MESD: variants seen among roughly 807,000 people sequenced by gnomAD.
MESD encodes LRP chaperone MESD.
In MESD, 7 loss-of-function variants were observed where a neutral mutation model predicts 12.9. The ratio of observed to expected loss-of-function variants is 0.54; its 90% confidence interval spans 0.31 to 1.02. MESD has a LOEUF of 1.02. Ranked by LOEUF, MESD falls within the 50% of genes least tolerant of loss-of-function variation. The probability of loss-of-function intolerance (pLI) is 0.05; values close to 1 mark genes in which losing one functional copy is unlikely to be tolerated. For synonymous variants in MESD, 126 were observed against 115.6 expected, an observed-to-expected ratio of 1.09 and a Z score of -0.58; for missense variants, 342 against 296.7, an observed-to-expected ratio of 1.15 and a Z score of -1.12.
chr15:80,975,282 G>C (rs139383864), downstream of MESD, among the ~76,000 whole-genome samples: 1,210 of 151,976 alleles, frequency 8.0e-3, 20 homozygotes, highest in African/African-American at 0.027. Context: ...CTACTCGGGA[G>C]GCTGAGGCAA....
At position 80,985,639 on chromosome 15, in the gene MESD, C is replaced by CTTTTTTTT. The variant is rs11425497; in HGVS notation, c.214-3465_214-3458dup. On this transcript the variant is annotated intron_variant, in intron 1 of 2. Coordinates refer to ENST00000261758, the MANE Select transcript of MESD (RefSeq NM_015154.3). ...AATTAACTCAGTAGGTCCCAAGCAG[C>CTTTTTTTT]TTTTTTTTTTTTTTTTTTTTTTTTT... Among the ~76,000 whole-genome samples, 30 of 89,044 alleles carry CTTTTTTTT rather than the reference C, an allele frequency of 3.4e-4. 2 individuals carry two copies. Among genetic ancestry groups the CTTTTTTTT allele is most frequent in the Non-Finnish European group, 4.3e-4 (20 of 46,890 alleles). 58.4% of individuals were successfully genotyped at this position (89,044 alleles called of 152,430 possible).
intron 3 of MESD, among the ~76,000 whole-genome samples, chr15:80,969,151 G>A (rs544590774): frequency 6.6e-6 from 1 of 152,292 alleles, no homozygotes; most frequent in African/African-American, 2.4e-5. Context: ...CATCGTGCCA[G>A]TGCACTCCAG....
intron 3 of MESD, among the ~76,000 whole-genome samples, chr15:80,956,315 A>G (rs1265773637): frequency 6.6e-6 from 1 of 152,236 alleles, no homozygotes; most frequent in Non-Finnish European, 1.5e-5. Context: ...GCTCTGGGCT[A>G]AGAATCGGAA....
chr15:80,981,810 A>G (rs2141812848), intron 2 of MESD, 140 bp downstream of exon 2: 1 of 646,590 alleles, frequency 1.5e-6, no homozygotes, highest in Middle Eastern at 4.2e-4. Flanking sequence ...AGCCGAGATC[A>G]CGCCGCTGCA....
In MESD at chr15:80,987,273, C is replaced by T. The variant is rs558086137; in HGVS notation, c.213+2306G>A. ...AGAGATGGTCACAAGAGGAGAAGAA[C>T]TGCTTCCTACAAAAAAAGCACCCAC... On this transcript the variant is annotated intron_variant, in intron 1 of 2. Transcript: ENST00000261758. Among the ~76,000 whole-genome samples the T allele has an allele frequency of 5.9e-5, 9 of 152,246 alleles. 1 individual carries two copies. In the South Asian group the frequency reaches 1.9e-3, roughly 32 times the overall value.
At chr15:80,967,987 G>A (rs1010148536) in intron 3 of MESD, among the ~76,000 whole-genome samples, 3 of 152,238 alleles carry the variant, frequency 2.0e-5, no homozygotes, top group Non-Finnish European at 2.9e-5. Context: ...CAAGTGGAAA[G>A]GGGTCCAACA....
chr15:80,973,029 A>G (rs1207772189), downstream of MESD, among the ~76,000 whole-genome samples: 2 of 152,016 alleles, frequency 1.3e-5, no homozygotes, highest in South Asian at 4.1e-4. Flanking sequence ...CTCAAAAAAC[A>G]AACAAACAAA....
chr15:80,966,311 G>T (rs1902174201), intron 3 of MESD, among the ~76,000 whole-genome samples: 1 of 151,694 alleles, frequency 6.6e-6, no homozygotes, highest in Non-Finnish European at 1.5e-5. Flanking sequence ...TGACTTGACA[G>T]GTTCAAATAA....
rs114564213 is a variant in MESD at position 80,970,041 on chromosome 15, A to G, written c.*288+8890T>C. Reference sequence around the variant, plus strand: ...TACTAGAACAGTACACATGGATAAGATAATCCCTTGGATTTCCAAGAGAAT... The same window carrying G: ...TACTAGAACAGTACACATGGATAAGGTAATCCCTTGGATTTCCAAGAGAAT... On this transcript the variant is annotated intron_variant, in intron 3 of 4. Transcript: ENST00000561312. Among the ~76,000 whole-genome samples the G allele has an allele frequency of 8.0e-3, 1,211 of 152,310 alleles. 13 individuals carry two copies. Among genetic ancestry groups the G allele is most frequent in the African/African-American group, 0.028 (1,156 of 41,556 alleles).
At chr15:80,956,464 T>C (rs1901987136) in intron 3 of MESD, among the ~76,000 whole-genome samples, 1 of 152,128 alleles carries the variant, frequency 6.6e-6, no homozygotes, top group Non-Finnish European at 1.5e-5. Flanking sequence ...AAGAAAACAG[T>C]TCTCGGACAC....
chr15:80,966,022 TA>T (rs977761664), intron 3 of MESD, among the ~76,000 whole-genome samples: 9 of 152,334 alleles, frequency 5.9e-5, no homozygotes, highest in African/African-American at 2.2e-4. Context: ...AAATAAAGAT[TA>T]AAAATGATTA....
intron 3 of MESD, among the ~76,000 whole-genome samples, chr15:80,959,689 T>TC (rs1902052096): frequency 6.6e-6 from 1 of 151,658 alleles, no homozygotes; most frequent in Admixed American, 6.6e-5. Context: ...CTTCTTCCAA[T>TC]CCCCCCACCT....
exon 4 of MESD, chr15:80,952,069 C>A: frequency 2.5e-6 from 1 of 407,136 alleles, no homozygotes; most frequent in Non-Finnish European, 5.0e-6. Context: ...GCGTCCTCCA[C>A]ATTTCTAAGC....
Position 80,977,017 on chromosome 15 carries a change from T to C in MESD, c.*2202A>G, listed in dbSNP as rs1902434545. The stretch of plus-strand genomic sequence containing the variant: ...CCTTTCACACCCACCCCATCACAAT[T>C]AAGATCCACCAGGGCGTCCCAAACT... On this transcript the variant is annotated 3_prime_UTR_variant, in exon 3 of 3. Coordinates refer to ENST00000261758, the MANE Select transcript of MESD (RefSeq NM_015154.3). 2 of 152,918 alleles carry C rather than the reference T, an allele frequency of 1.3e-5. No individual in the cohort carries two copies. Among genetic ancestry groups the C allele is most frequent in the Non-Finnish European group, 2.9e-5 (2 of 68,502 alleles). The allele number at this position is 152,918 out of a possible 1,614,324, so 9.5% of individuals were successfully genotyped here.
At chr15:80,981,811 C>T (rs913439796) in intron 2 of MESD, 139 bp downstream of exon 2, 9 of 653,706 alleles carry the variant, frequency 1.4e-5, no homozygotes, top group Middle Eastern at 4.2e-4. Context: ...GCCGAGATCA[C>T]GCCGCTGCAC....
intron 1 of MESD, among the ~76,000 whole-genome samples, chr15:80,988,852 A>G (rs927742161): frequency 6.6e-6 from 1 of 150,904 alleles, no homozygotes; most frequent in African/African-American, 2.5e-5. Flanking sequence ...GAAGGGGAAA[A>G]GGCAGCAATG....
At chr15:80,985,605 T>C (rs534334834) in intron 1 of MESD, among the ~76,000 whole-genome samples, 64 of 148,604 alleles carry the variant, frequency 4.3e-4, no homozygotes, top group African/African-American at 1.5e-3. Context: ...ATTTCACTAA[T>C]AATCATGAAA....
chr15:80,951,494 T>G (rs968306061), intron 4 of MESD: 85 of 152,788 alleles, frequency 5.6e-4, no homozygotes, highest in African/African-American at 1.9e-3. Context: ...CTTTTTTCTG[T>G]TGCCGAAATA....
At chr15:80,984,856 T>C (rs1348641311) in intron 1 of MESD, among the ~76,000 whole-genome samples, 1 of 152,156 alleles carries the variant, frequency 6.6e-6, no homozygotes, top group Non-Finnish European at 1.5e-5. Flanking sequence ...CCATTAATAA[T>C]GTACTATATT....
Sources: allele counts gnomAD v4.1 joint callset (sites outside exome capture counted in the v4.1 genomes callset), GRCh38; gene constraint gnomAD v4.1.1; transcripts MANE v1.5; gene names NCBI Gene and HGNC (gene_info 2026-07-23, HGNC 2026-07-21).